Variants in ALK observed in about 807,000 individuals in gnomAD.
ALK encodes the protein ALK tyrosine kinase receptor.
A neutral mutation model predicts 163.1 loss-of-function variants in ALK; 74 were observed. The ratio of observed to expected loss-of-function variants is 0.45; its 90% CI spans 0.38 to 0.55. The LOEUF is 0.55. Ranked by LOEUF, ALK falls within the 20% of genes least tolerant of loss-of-function variation. The probability of loss-of-function intolerance (pLI) is 0.00; values close to 1 mark genes in which losing one functional copy is unlikely to be tolerated. For synonymous variants in ALK, 960 were observed against 843.2 expected (o/e 1.14, Z -2.40); for missense variants, 2,063 against 2,105.3 (o/e 0.98, Z 0.39).
chr2:29,600,967 C>A (rs568408995), intron 3 of ALK, among the ~76,000 whole-genome samples: 1 of 152,330 alleles, frequency 6.6e-6, no homozygotes, highest in South Asian at 2.1e-4. Context: ...AAGGTGAGGA[C>A]TGCTGGGTCA....
chr2:29,761,560 G>A (rs1347714882), intron 1 of ALK, among the ~76,000 whole-genome samples: 1 of 152,240 alleles, frequency 6.6e-6, no homozygotes, highest in Non-Finnish European at 1.5e-5. Context: ...GCACTGGAAA[G>A]CAAAGCAAAA....
chr2:29,722,637 G>A (rs1031574949), intron 1 of ALK, among the ~76,000 whole-genome samples: 8 of 152,148 alleles, frequency 5.3e-5, no homozygotes, highest in African/African-American at 1.9e-4. Flanking sequence ...CTCTCTCAAA[G>A]TGATCTTACC....
intron 4 of ALK, among the ~76,000 whole-genome samples, chr2:29,523,277 C>T (rs781730444): frequency 3.3e-5 from 5 of 152,158 alleles, no homozygotes; most frequent in Non-Finnish European, 7.4e-5. Context: ...GCTCAAGTGT[C>T]CTTCTCAGGG....
chr2:29,638,541 C>T (rs887145588), intron 3 of ALK, among the ~76,000 whole-genome samples: 10 of 150,488 alleles, frequency 6.6e-5, no homozygotes, highest in Admixed American at 4.0e-4. Context: ...GAGATGGATG[C>T]GGATAATGCT....
At position 29,226,976 on chromosome 2, in the gene ALK, T is replaced by C. The variant is rs1664019256; in HGVS notation, c.3013A>G (p.Ile1005Val). Residue 1005 changes from isoleucine to valine, a missense_variant, in exon 18 of 29, where the codon ATC (isoleucine) becomes GTC (valine). Coordinates refer to ENST00000389048, the MANE Select transcript of ALK (RefSeq NM_004304.5). ...ACCGTCCCGTGGTCACAGAAGCAGA[T>C]GACCTTGTGGCTTTCAGGGTCCATG... ...CHMDPESHKV[I>V]CFCDHGTVLA... The C allele has an allele frequency of 6.2e-7, 1 of 1,614,246 alleles. No individual in the cohort carries two copies. Among genetic ancestry groups the C allele is most frequent in the Non-Finnish European group, 8.5e-7 (1 of 1,180,048 alleles).
chr2:29,446,810 A>G (rs1573361959), intron 4 of ALK, among the ~76,000 whole-genome samples: 1 of 152,330 alleles, frequency 6.6e-6, no homozygotes, highest in East Asian at 1.9e-4. Flanking sequence ...GGCTGTCTGT[A>G]TCTTCACAAG....
intron 4 of ALK, among the ~76,000 whole-genome samples, chr2:29,385,414 G>A (rs1669010430): frequency 6.6e-6 from 1 of 150,716 alleles, no homozygotes; most frequent in African/African-American, 2.4e-5. Context: ...CTTGAGACAG[G>A]GTCTTGCTGT....
rs561584055 is a variant in ALK at position 29,536,423 on chromosome 2, T to C, written c.953-4307A>G. Among the ~76,000 whole-genome samples, 288 of 152,286 alleles carry C rather than the reference T, an allele frequency of 1.9e-3. 1 individual carries two copies. The highest frequency in any genetic ancestry group is 3.2e-3 in the Non-Finnish European group (220 of 68,018). On this transcript the variant is annotated intron_variant, in intron 3 of 28. Coordinates refer to ENST00000389048, the MANE Select transcript of ALK (RefSeq NM_004304.5). ...GCTGGTTCCTTGTTGCCTTCTGCCA[T>C]GATTGCAAGCTTCCTGAGGCCCTCA... is the stretch of plus-strand genomic sequence containing the variant.
At chr2:29,432,559 G>C (rs1273596102) in intron 4 of ALK, among the ~76,000 whole-genome samples, 4 of 152,122 alleles carry the variant, frequency 2.6e-5, no homozygotes, top group Non-Finnish European at 4.4e-5. Context: ...AGATTTGTAT[G>C]ATAACGAGGT....
chr2:29,583,314 CTGTT>C lies in ALK; in HGVS notation c.953-51202_953-51199del, dbSNP rs376713515. ...TTGCAAGGCATTTCAAACCTCATAA[CTGTT>C]TGACAATCCTTTCATCATTATTAGT... On this transcript the variant is annotated intron_variant, in intron 3 of 28. Coordinates refer to ENST00000389048, the MANE Select transcript of ALK (RefSeq NM_004304.5). Among the ~76,000 whole-genome samples the C allele has an allele frequency of 5.0e-3, 767 of 152,232 alleles. 4 individuals carry two copies. The highest frequency in any genetic ancestry group is 7.3e-3 in the Non-Finnish European group (494 of 68,010).
intron 1 of ALK, among the ~76,000 whole-genome samples, chr2:29,743,462 CA>C (rs1168475042): frequency 6.6e-6 from 1 of 152,138 alleles, no homozygotes; most frequent in African/African-American, 2.4e-5. Context: ...CAACAGACTT[CA>C]AAAGAAAAGC....
At chr2:29,357,735 C>T (rs1429665747) in intron 5 of ALK, among the ~76,000 whole-genome samples, 1 of 152,154 alleles carries the variant, frequency 6.6e-6, no homozygotes, top group Non-Finnish European at 1.5e-5. Context: ...TCAATGCTCC[C>T]CCTGCAGAAT....
At chr2:29,592,157 A>G (rs565289230) in intron 3 of ALK, among the ~76,000 whole-genome samples, 1 of 152,090 alleles carries the variant, frequency 6.6e-6, no homozygotes, top group East Asian at 1.9e-4. Flanking sequence ...CTTCTGGGGT[A>G]CTCAGCGGGT....
intron 4 of ALK, among the ~76,000 whole-genome samples, chr2:29,531,233 T>C (rs963492542): frequency 6.6e-6 from 1 of 152,214 alleles, no homozygotes; most frequent in Admixed American, 6.5e-5. Context: ...GCTGAGGTCA[T>C]AGGATGGTAT....
At chr2:29,616,616 T>A (rs9309672) in intron 3 of ALK, among the ~76,000 whole-genome samples, 22,401 of 152,104 alleles carry the variant, frequency 0.15, 3,562 homozygotes, top group African/African-American at 0.41. Context: ...CTGAAATTCT[T>A]ACAGTTAAGA....
In ALK at chr2:29,427,414, G is replaced by A. The variant is rs920781106; in HGVS notation, c.1155-43555C>T. ...ATGAGAATAATAGCATTAAAAAGTG[G>A]AGGGGAATAGAGCTATATGAGAGCA... On this transcript the variant is annotated intron_variant, in intron 4 of 28. Transcript: ENST00000389048. 2.0e-5 allele frequency among the ~76,000 whole-genome samples: 3 copies of A among 152,062 alleles called. No individual in the cohort carries two copies. The South Asian group carries it at 6.2e-4, about 32-fold the overall frequency.
chr2:29,553,378 G>T (rs1033511706), intron 3 of ALK, among the ~76,000 whole-genome samples: 5 of 152,188 alleles, frequency 3.3e-5, no homozygotes, highest in African/African-American at 1.2e-4. Flanking sequence ...TTCCAGAACT[G>T]CGAGAAATAA....
intron 1 of ALK, among the ~76,000 whole-genome samples, chr2:29,767,837 T>C (rs1680905155): frequency 6.6e-6 from 1 of 152,226 alleles, no homozygotes; most frequent in East Asian, 1.9e-4. Context: ...GCATCTTGTG[T>C]CCTGTCAACA....
intron 1 of ALK, among the ~76,000 whole-genome samples, chr2:29,875,032 A>G (rs1666668534): frequency 6.6e-6 from 1 of 152,224 alleles, no homozygotes; most frequent in African/African-American, 2.4e-5. Flanking sequence ...ACACACTCAA[A>G]AGAATTGAAA....
Sources: gnomAD v4.1 joint callset for allele counts (sites outside exome capture counted in the v4.1 genomes callset) on GRCh38, gnomAD v4.1.1 for gene constraint, MANE v1.5 for transcripts, NCBI Gene and HGNC (gene_info 2026-07-23, HGNC 2026-07-21) for gene names.